Variants in CNIH3 observed in about 807,000 individuals in gnomAD.
The protein encoded by CNIH3 is cornichon family AMPA receptor auxiliary protein 3, also known as protein cornichon homolog 3.
CNIH3 carries 14 observed loss-of-function variants against 24.1 expected under a neutral mutation model. That is an observed-to-expected ratio of 0.58 (90% CI 0.38 to 0.91). The LOEUF (loss-of-function observed/expected upper bound fraction) is 0.91. CNIH3 is among the 40% of genes least tolerant of loss of function. The pLI is 0.00. For synonymous variants in CNIH3, 68 were observed against 73.8 expected (o/e 0.92, Z 0.40); for missense variants, 178 against 196.8 (o/e 0.90, Z 0.57).
In CNIH3 at chr1:224,616,866, G is replaced by A; in HGVS notation, c.-309G>A. ...TTGGTCTCGAGGGGCTCACAGCTTG[G>A]CACTAATTTGCAGGTGTTCGCTGCT... On this transcript the variant is annotated 5_prime_UTR_variant, in exon 1 of 6. Transcript: ENST00000272133. 4.1e-6 allele frequency: 5 copies of A among 1,211,696 alleles called. No individual in the cohort carries two copies. Among genetic ancestry groups the A allele is most frequent in the Non-Finnish European group, 5.1e-6 (5 of 972,874 alleles). The allele number at this position is 1,211,696 out of a possible 1,614,324, so 75.1% of individuals were successfully genotyped here.
At chr1:224,725,514 C>T (rs1688976334) in intron 3 of CNIH3, among the ~76,000 whole-genome samples, 1 of 152,194 alleles carries the variant, frequency 6.6e-6, no homozygotes, top group South Asian at 2.1e-4. Flanking sequence ...TCGACAGGGG[C>T]ATTCAGAGAT....
At chr1:224,685,825 G>A (rs979324606) in intron 3 of CNIH3, among the ~76,000 whole-genome samples, 1 of 152,042 alleles carries the variant, frequency 6.6e-6, no homozygotes, top group East Asian at 1.9e-4. Flanking sequence ...GAGCCAGTGT[G>A]TTAGAATCCC....
intron 1 of CNIH3, among the ~76,000 whole-genome samples, chr1:224,519,782 G>C (rs1351409112): frequency 6.6e-6 from 1 of 151,482 alleles, no homozygotes. Flanking sequence ...TGTTGGTTCT[G>C]TTTCTTGGGA....
At chr1:224,586,016 G>A (rs978267834) in intron 5 of CNIH3, among the ~76,000 whole-genome samples, 2 of 152,230 alleles carry the variant, frequency 1.3e-5, no homozygotes, top group Non-Finnish European at 2.9e-5. Context: ...TGAATGAAGA[G>A]AGAACTCAGG....
chr1:224,619,560 T>C (rs975588369), intron 1 of CNIH3, among the ~76,000 whole-genome samples: 2 of 152,192 alleles, frequency 1.3e-5, no homozygotes, highest in African/African-American at 4.8e-5. Context: ...CCCATCACAC[T>C]GATTTGGTTC....
intron 1 of CNIH3, among the ~76,000 whole-genome samples, chr1:224,484,171 CAA>C (rs35380158): frequency 2.8e-5 from 4 of 140,436 alleles, no homozygotes; most frequent in South Asian, 2.3e-4. Context: ...AACTCTGTCT[CAA>C]AAAAAAAAAA....
chr1:224,642,917 G>C (rs1302247805), intron 1 of CNIH3, among the ~76,000 whole-genome samples: 3 of 152,264 alleles, frequency 2.0e-5, no homozygotes, highest in South Asian at 2.1e-4. Context: ...TTGGTGCTCT[G>C]AGCTGTAAAC....
chr1:224,470,034 T>C (rs549140491), intron 1 of CNIH3, among the ~76,000 whole-genome samples: 7 of 152,182 alleles, frequency 4.6e-5, no homozygotes, highest in Non-Finnish European at 1.0e-4. Flanking sequence ...TTTTTTTTTT[T>C]TGGAGACAGA....
intron 1 of CNIH3, among the ~76,000 whole-genome samples, chr1:224,618,001 A>G (rs111803614): frequency 0.028 from 4,300 of 152,250 alleles, 201 homozygotes; most frequent in African/African-American, 0.089. Context: ...TCCCCAGCCC[A>G]CACAAGCTTC....
At chr1:224,446,220 T>G (rs1166743791) in intron 1 of CNIH3, among the ~76,000 whole-genome samples, 1 of 151,310 alleles carries the variant, frequency 6.6e-6, no homozygotes, top group South Asian at 2.1e-4. Flanking sequence ...TTGTTTTTTT[T>G]TTTTTTTTTT....
intron 5 of CNIH3, among the ~76,000 whole-genome samples, chr1:224,586,205 C>T (rs922722327): frequency 1.1e-4 from 16 of 152,142 alleles, no homozygotes; most frequent in African/African-American, 3.6e-4. Context: ...TATGTATTAG[C>T]CCGTTTTCAT....
chr1:224,562,266 G>C (rs1439229078), intron 3 of CNIH3, among the ~76,000 whole-genome samples: 1 of 151,996 alleles, frequency 6.6e-6, no homozygotes, highest in African/African-American at 2.4e-5. Flanking sequence ...TCCTTTCCTG[G>C]GGTCTTCCCT....
chr1:224,474,065 T>TA (rs1279299604), intron 1 of CNIH3, among the ~76,000 whole-genome samples: 1 of 152,036 alleles, frequency 6.6e-6, no homozygotes, highest in Non-Finnish European at 1.5e-5. Context: ...AATGAAGAGA[T>TA]AAAAAAACGA....
chr1:224,734,420 G>A (rs901005107), intron 4 of CNIH3, 143 bp from the exon 5 acceptor site: 8 of 730,090 alleles, frequency 1.1e-5, no homozygotes, highest in South Asian at 7.1e-5. Context: ...ACTCTTCAGC[G>A]GTGCTTCAAC....
chr1:224,685,487 C>A (rs1686611618), intron 3 of CNIH3, among the ~76,000 whole-genome samples: 1 of 152,136 alleles, frequency 6.6e-6, no homozygotes, highest in Non-Finnish European at 1.5e-5. Context: ...GTGTCTCTTT[C>A]CCAAAAAAGT....
At chr1:224,568,734 A>G (rs1268272151) in intron 4 of CNIH3, among the ~76,000 whole-genome samples, 1 of 152,170 alleles carries the variant, frequency 6.6e-6, no homozygotes, top group Non-Finnish European at 1.5e-5. Context: ...AGCCTGGGTG[A>G]CAGAGCAAGA....
chr1:224,672,660 A>G (rs1344117212), intron 1 of CNIH3, among the ~76,000 whole-genome samples: 1 of 152,134 alleles, frequency 6.6e-6, no homozygotes, highest in African/African-American at 2.4e-5. Context: ...TCTATCTCAT[A>G]AAGATGACCC....
chr1:224,597,081 G>A (rs1682012547), intron 3 of CNIH3, among the ~76,000 whole-genome samples: 1 of 152,098 alleles, frequency 6.6e-6, no homozygotes, highest in Non-Finnish European at 1.5e-5. Context: ...GAACCCGAGA[G>A]GTGCAGGTTG....
chr1:224,517,403 C>G (rs1399759048), intron 1 of CNIH3, among the ~76,000 whole-genome samples: 1 of 152,206 alleles, frequency 6.6e-6, no homozygotes, highest in Admixed American at 6.5e-5. Context: ...ACTCACCCGC[C>G]TGGAGTGGCG....
Sources: gnomAD v4.1 joint callset for allele counts (sites outside exome capture counted in the v4.1 genomes callset) on GRCh38, gnomAD v4.1.1 for gene constraint, MANE v1.5 for transcripts, NCBI Gene and HGNC (gene_info 2026-07-23, HGNC 2026-07-21) for gene names.